The following KIF25 variants were observed in gnomAD, a reference collection of about 807,000 sequenced individuals.
KIF25 encodes the protein kinesin-like protein KIF25.
In KIF25, 19 loss-of-function variants were observed where a neutral mutation model predicts 32.9. The ratio of observed to expected loss-of-function variants is 0.58; its 90% CI spans 0.40 to 0.85. The LOEUF (loss-of-function observed/expected upper bound fraction) is 0.85. Among genes scored for constraint, KIF25 ranks in the 40% least tolerant of loss-of-function variants. The probability of loss-of-function intolerance (pLI) is 0.00; values close to 1 mark genes in which losing one functional copy is unlikely to be tolerated. For synonymous variants in KIF25, 225 were observed against 213.7 expected (o/e 1.05, Z -0.46); for missense variants, 485 against 507.0 (o/e 0.96, Z 0.42).
At chr6:168,011,566 G>T (rs1361912748) in intron 4 of KIF25, among the ~76,000 whole-genome samples, 1 of 152,158 alleles carries the variant, frequency 6.6e-6, no homozygotes. Context: ...GAAATCCACT[G>T]TTGGTTTAAT....
At position 168,040,103 on chromosome 6, in the gene KIF25, A is replaced by G. The variant is rs748333242; in HGVS notation, c.533A>G (p.His178Arg). The G allele has an allele frequency of 5.0e-6, 8 of 1,613,960 alleles. No individual in the cohort carries two copies. Among genetic ancestry groups the G allele is most frequent in the Non-Finnish European group, 6.8e-6 (8 of 1,179,962 alleles). ...GCCTCGAAACTGATGGAGCTCGTTCATGGAGGTCTGCAGCTCAGGGCGAAG... is the reference window on the plus strand; with the variant it reads ...GCCTCGAAACTGATGGAGCTCGTTCGTGGAGGTCTGCAGCTCAGGGCGAAG... ...GSASKLMELVHGGLQLRAKHP... is the reference protein window; with the variant it reads ...GSASKLMELVRGGLQLRAKHP... The change falls in exon 10 of 13, where the codon CAT (histidine) becomes CGT (arginine). Residue 178 changes from histidine to arginine, a missense_variant. Around this residue, in one of 2 missense-constraint regions of KIF25, gnomAD observed 480 missense variants for 470.3 expected, o/e 1.02. Coordinates refer to ENST00000643607, the MANE Select transcript of KIF25 (RefSeq NM_030615.4).
chr6:168,025,845 G>C (rs377695744), intron 5 of KIF25, among the ~76,000 whole-genome samples: 25 of 152,326 alleles, frequency 1.6e-4, no homozygotes, highest in African/African-American at 6.0e-4. Flanking sequence ...TGTGGGTATC[G>C]GTCATCACCG....
At position 168,034,239 on chromosome 6, in the gene KIF25, C is replaced by T. The variant is rs144930173; in HGVS notation, c.317+208C>T. Among the ~76,000 whole-genome samples the T allele has an allele frequency of 7.8e-4, 118 of 152,254 alleles. 5 individuals carry two copies. The highest frequency in any genetic ancestry group is 6.7e-3 in the East Asian group (35 of 5,190). On this transcript the variant is annotated intron_variant, in intron 8 of 12. Coordinates refer to ENST00000643607, the MANE Select transcript of KIF25 (RefSeq NM_030615.4). The stretch of plus-strand genomic sequence containing the variant: ...CCTGTGATGAAATTATGTTGCAATT[C>T]CATCATTAAGACTAAACTTTATTTT...
intron 5 of KIF25, among the ~76,000 whole-genome samples, chr6:168,019,136 AG>A (rs2114883357): frequency 6.6e-6 from 1 of 152,338 alleles, no homozygotes; most frequent in South Asian, 2.1e-4. Flanking sequence ...GTTGTTTCCA[AG>A]TAACTGCTGG....
intron 8 of KIF25, among the ~76,000 whole-genome samples, chr6:168,034,762 C>A (rs562883232): frequency 6.6e-6 from 1 of 152,232 alleles, no homozygotes; most frequent in Non-Finnish European, 1.5e-5. Flanking sequence ...ACATGGCCTG[C>A]GAAGATGCTC....
intron 2 of KIF25, among the ~76,000 whole-genome samples, chr6:168,001,634 A>C (rs1475265820): frequency 7.3e-6 from 1 of 137,850 alleles, no homozygotes; most frequent in Non-Finnish European, 1.6e-5. Flanking sequence ...GGCAGGTGAG[A>C]AGACACCTTC....
chr6:168,006,515 C>A (rs1415108604), intron 4 of KIF25, among the ~76,000 whole-genome samples: 1 of 152,094 alleles, frequency 6.6e-6, no homozygotes, highest in South Asian at 2.1e-4. Context: ...TGGCACCGGG[C>A]GATTGCACCT....
chr6:168,016,992 A>T (rs1292794283), intron 4 of KIF25, among the ~76,000 whole-genome samples: 1 of 152,248 alleles, frequency 6.6e-6, no homozygotes, highest in East Asian at 1.9e-4. Context: ...GCAAGACAGG[A>T]CAGGTTCACT....
Position 168,040,225 on chromosome 6 carries a change from C to A in KIF25, c.646+9C>A. On this transcript the variant is annotated intron_variant, in intron 10 of 12. Coordinates refer to ENST00000643607, the MANE Select transcript of KIF25 (RefSeq NM_030615.4). ...CTGCTCTGACAGCACTGGTAAGTCA[C>A]CATTTGTGCTTGGTCAGTGGCAAGT... 1.2e-6 allele frequency: 2 copies of A among 1,605,064 alleles called. No homozygotes were observed. Among genetic ancestry groups the A allele is most frequent in the Non-Finnish European group, 1.7e-6 (2 of 1,174,972 alleles).
intron 4 of KIF25, among the ~76,000 whole-genome samples, chr6:168,015,234 T>C (rs1240560795): frequency 6.6e-6 from 1 of 152,198 alleles, no homozygotes; most frequent in African/African-American, 2.4e-5. Flanking sequence ...TGTCTGCCTC[T>C]GGGAGAGTCC....
chr6:167,999,617 G>A (rs1158590411), intron 2 of KIF25, among the ~76,000 whole-genome samples: 1 of 152,128 alleles, frequency 6.6e-6, no homozygotes, highest in South Asian at 2.1e-4. Context: ...TGCGGGGTCC[G>A]ACCGAACAGG....
chr6:168,024,884 C>T (rs1450853303), intron 5 of KIF25, among the ~76,000 whole-genome samples: 1 of 152,064 alleles, frequency 6.6e-6, no homozygotes, highest in Non-Finnish European at 1.5e-5. Flanking sequence ...AACCTCATCT[C>T]TACTAAAAAT....
chr6:168,022,768 G>A (rs1015680948), intron 5 of KIF25, among the ~76,000 whole-genome samples: 1 of 121,648 alleles, frequency 8.2e-6, no homozygotes, highest in East Asian at 2.4e-4. Flanking sequence ...TGTTGTTGTT[G>A]TTTTTTTTTT....
chr6:168,037,402 C>A (rs6910870), intron 8 of KIF25, among the ~76,000 whole-genome samples: 1 of 152,116 alleles, frequency 6.6e-6, no homozygotes, highest in East Asian at 1.9e-4. Context: ...ACTTCCCGCC[C>A]GGTTCTCAGA....
chr6:168,038,372 A>G (rs59585713), intron 8 of KIF25, among the ~76,000 whole-genome samples, 181 bp from the exon 9 acceptor site: 3,579 of 152,218 alleles, frequency 0.024, 158 homozygotes, highest in African/African-American at 0.082. Context: ...TATTCACCCT[A>G]CAACCTAAAT....
chr6:168,040,261 C>A, intron 10 of KIF25, 45 bp downstream of exon 10: 1 of 1,568,682 alleles, frequency 6.4e-7, no homozygotes, highest in Non-Finnish European at 8.7e-7. Context: ...AATAGAAAAA[C>A]CCACTTAAGA....
chr6:168,029,409 A>G (rs1798908058), intron 5 of KIF25, 83 bp from the exon 6 acceptor site: 2 of 923,856 alleles, frequency 2.2e-6, no homozygotes, highest in South Asian at 2.3e-5. Context: ...TGACTTTTGG[A>G]TGGTGTTAAA....
chr6:168,024,355 C>A (rs1365812413), intron 5 of KIF25, among the ~76,000 whole-genome samples: 1 of 151,142 alleles, frequency 6.6e-6, no homozygotes, highest in Non-Finnish European at 1.5e-5. Context: ...ACCTTTCTTC[C>A]ACTATTGATT....
chr6:167,999,514 G>A (rs958328826), intron 2 of KIF25, among the ~76,000 whole-genome samples, 194 bp downstream of exon 2: 18 of 152,192 alleles, frequency 1.2e-4, no homozygotes, highest in Non-Finnish European at 1.9e-4. Context: ...TCTGTAATAC[G>A]GCCTGCAAAA....
Sources: gnomAD v4.1 joint callset for allele counts (sites outside exome capture counted in the v4.1 genomes callset) on GRCh38, gnomAD v4.1.1 for gene constraint, gnomAD v4.1.1 regional missense constraint, MANE v1.5 for transcripts, NCBI Gene and HGNC (gene_info 2026-07-23, HGNC 2026-07-21) for gene names.